Variants in TENM4 observed in about 807,000 individuals in gnomAD.
The protein encoded by TENM4 is teneurin transmembrane protein 4, also known as teneurin-4.
Under a neutral mutation model 243.3 loss-of-function variants are expected in TENM4, and 82 were observed. The ratio of observed to expected loss-of-function variants is 0.34; its 90% CI spans 0.28 to 0.40. The LOEUF is 0.40. TENM4 is among the 10% of genes least tolerant of loss of function. TENM4 has a pLI of 1.00. For synonymous variants in TENM4, 1,412 were observed against 1,456.3 expected, an observed-to-expected ratio of 0.97 and a Z score of 0.69; for missense variants, 3,138 against 3,673.3, an observed-to-expected ratio of 0.85 and a Z score of 3.77.
chr11:79,304,933 T>A (rs1337813712), intron 1 of TENM4, among the ~76,000 whole-genome samples: 2 of 152,228 alleles, frequency 1.3e-5, no homozygotes, highest in African/African-American at 4.8e-5. Context: ...TCTAAGAGGT[T>A]GCCTCATACT....
chr11:79,321,177 C>T (rs1307787385), intron 1 of TENM4, among the ~76,000 whole-genome samples: 1 of 152,192 alleles, frequency 6.6e-6, no homozygotes, highest in Non-Finnish European at 1.5e-5. Context: ...GGGCTTTAAT[C>T]AGGACATCCT....
intron 6 of TENM4, among the ~76,000 whole-genome samples, chr11:79,031,933 C>T (rs1318063345): frequency 1.3e-5 from 2 of 152,168 alleles, no homozygotes; most frequent in Admixed American, 6.5e-5. Context: ...ACTAAACATC[C>T]TACAATGCAC....
chr11:79,069,129 G>A (rs574971306), intron 5 of TENM4, among the ~76,000 whole-genome samples: 1 of 152,246 alleles, frequency 6.6e-6, no homozygotes, highest in African/African-American at 2.4e-5. Context: ...GACTACTGTA[G>A]GTAGAAAGTG....
chr11:79,020,618 G>A (rs1286756337), intron 6 of TENM4, among the ~76,000 whole-genome samples: 1 of 150,990 alleles, frequency 6.6e-6, no homozygotes, highest in African/African-American at 2.4e-5. Flanking sequence ...TTTTTTTCCT[G>A]GCATTAAAAA....
rs571958795 is a variant in TENM4, at chr11:79,186,855, A to C, written c.-163+28953T>G. Among the ~76,000 whole-genome samples the C allele has an allele frequency of 3.5e-4, 53 of 152,360 alleles. 1 individual carries two copies. In the South Asian group the frequency reaches 7.2e-3, roughly 21 times the overall value. ...CTGCTTCCAGTGTATATTATTATGC[A>C]CACAGCTCTAATTTACTGCATCTGA... is the stretch of plus-strand genomic sequence containing the variant. On this transcript the variant is annotated intron_variant, in intron 3 of 33. Transcript: ENST00000278550.
chr11:78,716,804 C>T (rs903180058), intron 25 of TENM4, among the ~76,000 whole-genome samples: 1 of 152,248 alleles, frequency 6.6e-6, no homozygotes, highest in Non-Finnish European at 1.5e-5. Context: ...AATTCTGTAG[C>T]TCTGGGGCGG....
chr11:79,083,747 C>T (rs1860736976), intron 4 of TENM4, among the ~76,000 whole-genome samples: 1 of 152,182 alleles, frequency 6.6e-6, no homozygotes, highest in South Asian at 2.1e-4. Flanking sequence ...CTCTCTTCTC[C>T]AGGCTCTGGG....
At chr11:79,388,005 T>A (rs1858153238) in intron 1 of TENM4, among the ~76,000 whole-genome samples, 1 of 152,010 alleles carries the variant, frequency 6.6e-6, no homozygotes, top group South Asian at 2.1e-4. Context: ...TAAAACAAAA[T>A]AAACAAAGAA....
rs777299006 is a variant in TENM4 at position 78,722,870 on chromosome 11, G to A, written c.3598C>T (p.Pro1200Ser). 4.3e-6 allele frequency: 7 copies of A among 1,613,940 alleles called. No individual in the cohort carries two copies. The highest frequency in any genetic ancestry group is 1.3e-5 in the African/African-American group (1 of 74,946). Residue 1200 changes from proline to serine, a missense_variant, in exon 24 of 34, where the codon CCT becomes TCT. Coordinates refer to ENST00000278550, the MANE Select transcript of TENM4 (RefSeq NM_001098816.3). ...NGENQFVSQQ[P>S]PVIGSIMGNG... Reference sequence around the variant, plus strand: ...CCCATGATGCTCCCAATGACAGGAGGCTGCTGAGACACAAACTGGTTCTCC... The same window carrying A: ...CCCATGATGCTCCCAATGACAGGAGACTGCTGAGACACAAACTGGTTCTCC...
intron 1 of TENM4, among the ~76,000 whole-genome samples, chr11:79,301,345 C>A (rs920194016): frequency 1.3e-5 from 2 of 152,144 alleles, no homozygotes; most frequent in African/African-American, 2.4e-5. Context: ...CCACACTGGC[C>A]CCCTTTCAGG....
intron 6 of TENM4, among the ~76,000 whole-genome samples, chr11:78,909,695 C>T (rs1473439837): frequency 6.6e-6 from 1 of 152,236 alleles, no homozygotes; most frequent in East Asian, 1.9e-4. Flanking sequence ...TGAGAAGTGA[C>T]ATGAGACCTA....
At chr11:78,922,659 G>C (rs926405285) in intron 6 of TENM4, among the ~76,000 whole-genome samples, 2 of 152,322 alleles carry the variant, frequency 1.3e-5, no homozygotes, top group African/African-American at 4.8e-5. Flanking sequence ...AACAGCAAGA[G>C]AATCCCGGTC....
At chr11:79,097,361 C>T (rs1311091613) in intron 4 of TENM4, 1 of 152,144 alleles carries the variant, frequency 6.6e-6, no homozygotes, top group Non-Finnish European at 1.5e-5. Context: ...GTCTGTGTCC[C>T]TGGAGGCTGA....
At chr11:79,389,477 G>A (rs187839530) in intron 1 of TENM4, among the ~76,000 whole-genome samples, 14 of 152,248 alleles carry the variant, frequency 9.2e-5, no homozygotes, top group African/African-American at 3.4e-4. Context: ...TGTTTAATGG[G>A]CCTAGGCCCC....
chr11:79,407,891 T>TTTTTTC (rs1242671378), intron 1 of TENM4, among the ~76,000 whole-genome samples: 2 of 151,722 alleles, frequency 1.3e-5, no homozygotes, highest in Non-Finnish European at 2.9e-5. Context: ...AAGATTTGCA[T>TTTTTTC]TTTTTCTTTT....
intron 9 of TENM4, among the ~76,000 whole-genome samples, chr11:78,865,069 C>T (rs1431371383): frequency 6.6e-6 from 1 of 152,076 alleles, no homozygotes; most frequent in African/African-American, 2.4e-5. Flanking sequence ...GCAATCTCAC[C>T]AGACTGAATT....
At chr11:78,693,948 G>A (rs901708012) in intron 28 of TENM4, among the ~76,000 whole-genome samples, 1 of 152,162 alleles carries the variant, frequency 6.6e-6, no homozygotes, top group Non-Finnish European at 1.5e-5. Flanking sequence ...CCGGGAGACA[G>A]AGGTTGCCGT....
At chr11:79,182,165 G>A (rs1863295682) in intron 3 of TENM4, among the ~76,000 whole-genome samples, 1 of 152,144 alleles carries the variant, frequency 6.6e-6, no homozygotes, top group Non-Finnish European at 1.5e-5. Flanking sequence ...AAAGACAGAG[G>A]ACTGACATTA....
chr11:78,927,831 A>C (rs1278359697), intron 6 of TENM4, among the ~76,000 whole-genome samples: 6 of 144,630 alleles, frequency 4.1e-5, no homozygotes, highest in African/African-American at 1.6e-4. Context: ...CCATCCTAAA[A>C]GGAAGAAAAG....
Sources: gnomAD v4.1 joint callset for allele counts (sites outside exome capture counted in the v4.1 genomes callset) on GRCh38, gnomAD v4.1.1 for gene constraint, MANE v1.5 for transcripts, NCBI Gene and HGNC (gene_info 2026-07-23, HGNC 2026-07-21) for gene names.